FRYL: variants seen among roughly 807,000 people sequenced by gnomAD.
FRYL encodes FRY like transcription coactivator, also known as protein furry homolog-like.
FRYL carries 150 observed loss-of-function variants against 351.2 expected under a neutral mutation model. That is an observed-to-expected ratio of 0.43 (90% CI 0.37 to 0.49). FRYL has a LOEUF of 0.49. FRYL is among the 20% of genes least tolerant of loss of function. FRYL has a pLI of 0.00. For synonymous variants in FRYL, 1,153 were observed against 1,257.1 expected (o/e 0.92, Z 1.75); for missense variants, 3,036 against 3,619.3 (o/e 0.84, Z 4.13).
intron 1 of FRYL, among the ~76,000 whole-genome samples, chr4:48,712,161 C>T (rs1303877002): frequency 6.6e-6 from 1 of 152,122 alleles, no homozygotes; most frequent in Non-Finnish European, 1.5e-5. Context: ...AGCAGGGCAC[C>T]TCTCCTCCTC....
At chr4:48,772,679 C>CAAAAAAAAAAAAAAA (rs33926702) in intron 1 of FRYL, among the ~76,000 whole-genome samples, 3 of 50,296 alleles carry the variant, frequency 6.0e-5, no homozygotes, top group African/African-American at 1.3e-4. Context: ...AGAGACCTAC[C>CAAAAAAAAAAAAAAA]AAAAAAAAAA....
chr4:48,723,512 A>G lies in FRYL; in HGVS notation c.-383-12814T>C, dbSNP rs17472568. On this transcript the variant is annotated intron_variant, in intron 1 of 63. Transcript: ENST00000358350. ...TCCTTACTAAACTCCTTACTAAATAATACCATCCTTATTTTAGTTGCTAAT... is the reference window on the plus strand; with the variant it reads ...TCCTTACTAAACTCCTTACTAAATAGTACCATCCTTATTTTAGTTGCTAAT... 4.3e-3 allele frequency among the ~76,000 whole-genome samples: 652 copies of G among 152,196 alleles called. 3 individuals are homozygous for G. The highest frequency in any genetic ancestry group is 7.0e-3 in the Non-Finnish European group (476 of 68,008).
At chr4:48,642,411 T>C (rs879659188) in intron 3 of FRYL, among the ~76,000 whole-genome samples, 1 of 152,174 alleles carries the variant, frequency 6.6e-6, no homozygotes, top group Admixed American at 6.6e-5. Flanking sequence ...CTAATTCTTA[T>C]TAATTCTATT....
At chr4:48,763,379 T>C (rs1275228065) in intron 1 of FRYL, among the ~76,000 whole-genome samples, 1 of 152,104 alleles carries the variant, frequency 6.6e-6, no homozygotes, top group Non-Finnish European at 1.5e-5. Context: ...GGAGGATCGC[T>C]TGATCCCAGG....
chr4:48,590,842 A>AAAAATGC lies in FRYL; in HGVS notation c.1336-19_1336-13dup. ...CCTATGTTCATTCTCTTCAAAGGAA[A>AAAAATGC]AAAATGCAAAAGGAAGAGATGAGTA... On this transcript the variant is annotated splice_polypyrimidine_tract_variant and intron_variant, in intron 16 of 63. Transcript: ENST00000358350. The AAAAATGC allele has an allele frequency of 6.3e-7, 1 of 1,586,480 alleles. No individual in the cohort carries two copies. Among genetic ancestry groups the AAAAATGC allele is most frequent in the Non-Finnish European group, 8.5e-7 (1 of 1,170,578 alleles).
At position 48,754,670 on chromosome 4, in the gene FRYL, T is replaced by TG. The variant is rs1484282433; in HGVS notation, c.-384+25407_-384+25408insC. On this transcript the variant is annotated intron_variant, in intron 1 of 63. Coordinates refer to ENST00000358350, the MANE Select transcript of FRYL (RefSeq NM_015030.2). ...TGATTTTCTGGGGTTTTTTTGGGGT[T>TG]TTTTTTTTTTTTTTTAAATGAGAGT... Among the ~76,000 whole-genome samples the TG allele has an allele frequency of 4.4e-3, 666 of 149,766 alleles. 5 individuals are homozygous for TG. Among genetic ancestry groups the TG allele is most frequent in the African/African-American group, 0.015 (613 of 40,690 alleles).
chr4:48,734,720 A>G (rs1771110835), intron 1 of FRYL, among the ~76,000 whole-genome samples: 1 of 152,174 alleles, frequency 6.6e-6, no homozygotes, highest in East Asian at 1.9e-4. Context: ...ATTTTTGTAT[A>G]AGGTGTAAGG....
At chr4:48,530,692 C>T (rs937347176) in intron 50 of FRYL, among the ~76,000 whole-genome samples, 5 of 152,146 alleles carry the variant, frequency 3.3e-5, no homozygotes, top group African/African-American at 9.7e-5. Context: ...CTTTCTCACG[C>T]TTACAAGCCT....
chr4:48,570,851 G>A lies in FRYL; in HGVS notation c.2972C>T (p.Ala991Val), dbSNP rs756896734. Reference protein sequence around the residue: ...VQLVRIFELLADAGVISHSAS... With the variant: ...VQLVRIFELLVDAGVISHSAS... ...CCTGTGACTAATGACACCAGCATCT[G>A]CCAGCAGTTCAAATATTCGTACCAG... The change falls in exon 27 of 64, where the codon GCA becomes GTA. Residue 991 changes from alanine (A) to valine (V), a missense_variant. Ala to Val is a moderately conservative substitution (Grantham distance 64, BLOSUM62 0). Transcript: ENST00000358350. 2 of 1,613,278 alleles carry A rather than the reference G, an allele frequency of 1.2e-6. No homozygotes were observed. The highest frequency in any genetic ancestry group is 1.7e-6 in the Non-Finnish European group (2 of 1,179,260).
At chr4:48,505,696 T>A in intron 59 of FRYL, 81 bp from the exon 60 acceptor site, 2 of 823,804 alleles carry the variant, frequency 2.4e-6, no homozygotes, top group Non-Finnish European at 4.0e-6. Context: ...ACACCAAACT[T>A]AAAGTTAACT....
At chr4:48,658,246 A>G (rs1224386192) in intron 3 of FRYL, among the ~76,000 whole-genome samples, 1 of 152,194 alleles carries the variant, frequency 6.6e-6, no homozygotes, top group Non-Finnish European at 1.5e-5. Context: ...TGTATGAATT[A>G]TTCCTCATAT....
intron 4 of FRYL, among the ~76,000 whole-genome samples, chr4:48,627,349 C>A (rs969428824): frequency 3.3e-5 from 5 of 152,066 alleles, no homozygotes; most frequent in African/African-American, 1.2e-4. Context: ...TTGAGGACTG[C>A]TGATTCAAGT....
intron 59 of FRYL, among the ~76,000 whole-genome samples, chr4:48,507,025 A>AATC (rs943720888): frequency 1.3e-5 from 2 of 152,210 alleles, no homozygotes; most frequent in East Asian, 1.9e-4. Flanking sequence ...CCTGTGCATT[A>AATC]ATCTTTATTC....
intron 38 of FRYL, among the ~76,000 whole-genome samples, chr4:48,550,208 C>T (rs941709729): frequency 3.9e-5 from 6 of 152,110 alleles, no homozygotes; most frequent in African/African-American, 1.2e-4. Flanking sequence ...CCTGCCTTAA[C>T]GTTATAGTGA....
chr4:48,714,981 T>C (rs1169802420), intron 1 of FRYL, among the ~76,000 whole-genome samples: 1 of 152,038 alleles, frequency 6.6e-6, no homozygotes. Context: ...TGCAAATCAA[T>C]AAATGTAATC....
intron 3 of FRYL, among the ~76,000 whole-genome samples, chr4:48,641,854 T>C (rs535437585): frequency 1.3e-5 from 2 of 152,320 alleles, no homozygotes; most frequent in South Asian, 2.1e-4. Context: ...TTCATTTGCA[T>C]AAAAAGAGCA....
At chr4:48,570,308 G>C (rs1471475477) in intron 27 of FRYL, among the ~76,000 whole-genome samples, 3 of 152,116 alleles carry the variant, frequency 2.0e-5, no homozygotes, top group African/African-American at 4.8e-5. Context: ...AATATCTCCA[G>C]GTTTCATGGT....
chr4:48,752,908 G>GT (rs1294988912), intron 1 of FRYL, among the ~76,000 whole-genome samples: 1 of 152,184 alleles, frequency 6.6e-6, no homozygotes, highest in African/African-American at 2.4e-5. Flanking sequence ...GCTACTAGCA[G>GT]TAAGAGAAGG....
At chr4:48,707,731 T>A (rs1767521429) in intron 2 of FRYL, among the ~76,000 whole-genome samples, 1 of 152,088 alleles carries the variant, frequency 6.6e-6, no homozygotes, top group East Asian at 1.9e-4. Context: ...ACTTTGAGGC[T>A]CCAGTTCTGG....
Sources: allele counts gnomAD v4.1 joint callset (sites outside exome capture counted in the v4.1 genomes callset), GRCh38; gene constraint gnomAD v4.1.1; transcripts MANE v1.5; gene names NCBI Gene and HGNC (gene_info 2026-07-23, HGNC 2026-07-21).